DENND2D: variants seen among roughly 807,000 people sequenced by gnomAD.
DENND2D encodes DENN domain-containing protein 2D.
A neutral mutation model predicts 59.8 loss-of-function variants in DENND2D; 37 were observed. The observed-to-expected ratio is 0.62, with a 90% confidence interval of 0.48 to 0.81. DENND2D has a LOEUF of 0.81. DENND2D is among the 40% of genes least tolerant of loss of function. The pLI is 0.00. For synonymous variants in DENND2D, 219 were observed against 211.3 expected (o/e 1.04, Z -0.31); for missense variants, 525 against 579.7 (o/e 0.91, Z 0.97).
chr1:111,192,037 T>C, intron 8 of DENND2D, 103 bp downstream of exon 8: 2 of 1,093,136 alleles, frequency 1.8e-6, no homozygotes, highest in Non-Finnish European at 2.5e-6. Context: ...CTTAAAGAGG[T>C]AAGGTAACTT....
intron 7 of DENND2D, 120 bp downstream of exon 7, chr1:111,194,458 G>GA: frequency 8.4e-7 from 1 of 1,190,090 alleles, no homozygotes; most frequent in South Asian, 1.5e-5. Context: ...CAAGGAGCTA[G>GA]AAACAGGAGG....
upstream of DENND2D, chr1:111,200,950 C>A (rs1052340252): frequency 4.2e-5 from 7 of 164,762 alleles, no homozygotes; most frequent in Non-Finnish European, 6.7e-5. Context: ...ATACCTCCAA[C>A]ACTTGGATTG....
intron 7 of DENND2D, among the ~76,000 whole-genome samples, chr1:111,193,834 A>G (rs1263296653): frequency 6.6e-6 from 1 of 152,166 alleles, no homozygotes; most frequent in Non-Finnish European, 1.5e-5. Context: ...AAAGGTAGAG[A>G]CCATGGCACA....
In DENND2D at chr1:111,196,061, A is replaced by C; in HGVS notation, c.505-5T>G. 1.9e-6 allele frequency: 3 copies of C among 1,604,820 alleles called. No homozygotes were observed. The highest frequency in any genetic ancestry group is 1.1e-5 in the South Asian group (1 of 90,110). On this transcript the variant is annotated splice_polypyrimidine_tract_variant and splice_region_variant and intron_variant, in intron 5 of 11. Coordinates refer to ENST00000357640, the MANE Select transcript of DENND2D (RefSeq NM_024901.5). The stretch of plus-strand genomic sequence containing the variant: ...CTTCTCCACTTCATCCAGGATCTGC[A>C]GGGAAAAGAACCACGGGAGGCACGG...
At chr1:111,188,842 G>C (rs1657467506) in intron 9 of DENND2D, 56 bp from the exon 10 acceptor site, 1 of 1,510,048 alleles carries the variant, frequency 6.6e-7, no homozygotes, top group Middle Eastern at 1.7e-4. Flanking sequence ...AGTGAAGGTG[G>C]TTGGCAGAAA....
rs187582180 is a variant in DENND2D at position 111,191,605 on chromosome 1, G to C, written c.972+535C>G. On this transcript the variant is annotated intron_variant, in intron 8 of 11. Transcript: ENST00000357640. ...AGCTAACAAAATCAAAGAGGATTCA[G>C]ACCTATATCCTCATTAGCCACCTTA... 3.8e-3 allele frequency among the ~76,000 whole-genome samples: 577 copies of C among 152,312 alleles called. 4 individuals carry two copies. Among genetic ancestry groups the C allele is most frequent in the African/African-American group, 0.013 (541 of 41,578 alleles).
intron 6 of DENND2D, chr1:111,195,711 T>TAAC (rs1378713970): frequency 1.6e-6 from 1 of 626,670 alleles, no homozygotes; most frequent in African/African-American, 1.9e-5. Context: ...GCTTGAGCAG[T>TAAC]AACTAGGTGC....
chr1:111,202,301 G>A (rs1327917210), upstream of DENND2D: 1 of 152,246 alleles, frequency 6.6e-6, no homozygotes, highest in African/African-American at 2.4e-5. Flanking sequence ...TTAGACTTTT[G>A]GGATGAGGCC....
intron 10 of DENND2D, 80 bp downstream of exon 10, chr1:111,188,622 A>G (rs1345978223): frequency 1.5e-6 from 2 of 1,379,048 alleles, no homozygotes; most frequent in Non-Finnish European, 2.1e-6. Flanking sequence ...GAATGAGTTC[A>G]TTTTAGTTCT....
upstream of DENND2D, chr1:111,201,061 T>C (rs1025213026): frequency 1.3e-5 from 2 of 155,896 alleles, no homozygotes; most frequent in Non-Finnish European, 2.9e-5. Flanking sequence ...CTAGAGCACA[T>C]GGCCAAACAC....
intron 6 of DENND2D, chr1:111,195,584 A>G: frequency 3.3e-6 from 1 of 303,928 alleles, no homozygotes; most frequent in Non-Finnish European, 6.3e-6. Flanking sequence ...GGACAAACAA[A>G]GGAGAGTGGA....
intron 7 of DENND2D, among the ~76,000 whole-genome samples, chr1:111,193,910 A>C (rs745930780): frequency 1.3e-5 from 2 of 152,210 alleles, no homozygotes; most frequent in African/African-American, 4.8e-5. Flanking sequence ...AGAAGCTAGC[A>C]CTCAGCAATA....
chr1:111,190,182 A>G (rs1448369085), intron 8 of DENND2D, among the ~76,000 whole-genome samples: 9 of 150,758 alleles, frequency 6.0e-5, no homozygotes, highest in African/African-American at 2.2e-4. Flanking sequence ...AAAAAAAAAA[A>G]ACTACCTCAC....
chr1:111,199,721 C>CA lies in DENND2D; in HGVS notation c.144dup (p.Gly49TrpfsTer7). 6.2e-7 allele frequency: 1 copy of CA among 1,614,188 alleles called. No homozygotes were observed. The highest frequency in any genetic ancestry group is 8.5e-7 in the Non-Finnish European group (1 of 1,180,046). ...AGGTATTCAAAGAAGTGCTGCCCCC[C>CA]AGCAAAGTTGGGCAAAGAGTGCTCC... On this transcript the variant is annotated frameshift_variant, in exon 2 of 12. Coordinates refer to ENST00000357640, the MANE Select transcript of DENND2D (RefSeq NM_024901.5). LOFTEE classifies it high-confidence loss of function.
In DENND2D at chr1:111,186,279, G is replaced by A. The variant is rs1331106133; in HGVS notation, c.*1326C>T. On this transcript the variant is annotated 3_prime_UTR_variant, in exon 12 of 12. Coordinates refer to ENST00000357640, the MANE Select transcript of DENND2D (RefSeq NM_024901.5). ...ACCTTTGGAGGTACAACTATATTTA[G>A]GCACCACTGCCATAAACTACCAAAA... Among the ~76,000 whole-genome samples, 1 of 147,502 alleles carries A rather than the reference G, an allele frequency of 6.8e-6. No homozygotes were observed. The highest frequency in any genetic ancestry group is 1.5e-5 in the Non-Finnish European group (1 of 67,280).
intron 8 of DENND2D, among the ~76,000 whole-genome samples, chr1:111,189,744 T>C (rs1657557005): frequency 6.6e-6 from 1 of 152,222 alleles, no homozygotes; most frequent in Non-Finnish European, 1.5e-5. Flanking sequence ...TTTCCAAGCC[T>C]AGACTGATAT....
chr1:111,199,934 A>G, intron 1 of DENND2D, 136 bp from the exon 2 acceptor site: 1 of 1,145,432 alleles, frequency 8.7e-7, no homozygotes, highest in Non-Finnish European at 1.2e-6. Flanking sequence ...GGCCAGAACC[A>G]CCAGTCACTC....
At chr1:111,202,696 T>TACACACAC (rs5741908), upstream of DENND2D, among the ~76,000 whole-genome samples, 43,692 of 142,498 alleles carry the variant, frequency 0.31, 8,269 homozygotes, top group African/African-American at 0.54. Flanking sequence ...GTCACCAGGA[T>TACACACAC]ACACACACAC....
intron 9 of DENND2D, 55 bp from the exon 10 acceptor site, chr1:111,188,841 G>C (rs1159182488): frequency 2.6e-6 from 4 of 1,517,328 alleles, no homozygotes; most frequent in East Asian, 2.3e-5. Context: ...GAGTGAAGGT[G>C]GTTGGCAGAA....
Sources: gnomAD v4.1 joint callset for allele counts (sites outside exome capture counted in the v4.1 genomes callset) on GRCh38, gnomAD v4.1.1 for gene constraint, MANE v1.5 for transcripts, NCBI Gene and HGNC (gene_info 2026-07-23, HGNC 2026-07-21) for gene names.